Variants in KHDRBS2 observed in about 807,000 individuals in gnomAD.
KHDRBS2 encodes KH domain-containing, RNA-binding, signal transduction-associated protein 2.
Under a neutral mutation model 44.3 loss-of-function variants are expected in KHDRBS2, and 26 were observed. The observed-to-expected ratio is 0.59, with a 90% CI of 0.43 to 0.81. KHDRBS2 has a LOEUF of 0.81. Ranked by LOEUF, KHDRBS2 falls within the 40% of genes least tolerant of loss-of-function variation. The probability of loss-of-function intolerance (pLI) is 0.00; values close to 1 mark genes in which losing one functional copy is unlikely to be tolerated. For missense variants in KHDRBS2, 476 were observed against 433.1 expected, an observed-to-expected ratio of 1.10 and a Z score of -0.88; for synonymous variants, 194 against 151.1, an observed-to-expected ratio of 1.28 and a Z score of -2.08.
At chr6:62,175,271 G>C (rs2150121954) in intron 2 of KHDRBS2, among the ~76,000 whole-genome samples, 1 of 151,562 alleles carries the variant, frequency 6.6e-6, no homozygotes, top group African/African-American at 2.4e-5. Context: ...AGTTTGGCAG[G>C]CTATTCATAA....
At chr6:61,951,995 A>G (rs930416534) in intron 4 of KHDRBS2, among the ~76,000 whole-genome samples, 2 of 152,108 alleles carry the variant, frequency 1.3e-5, no homozygotes, top group African/African-American at 4.8e-5. Context: ...CAGAATTCTG[A>G]AATTATACTA....
intron 4 of KHDRBS2, among the ~76,000 whole-genome samples, chr6:61,918,231 C>T (rs1807385983): frequency 6.6e-6 from 1 of 151,884 alleles, no homozygotes; most frequent in South Asian, 2.1e-4. Context: ...TGACATTTTG[C>T]CAGCTGAGAC....
intron 6 of KHDRBS2, among the ~76,000 whole-genome samples, chr6:61,836,884 C>T (rs150296830): frequency 4.6e-5 from 7 of 151,976 alleles, no homozygotes; most frequent in East Asian, 1.9e-4. Flanking sequence ...AAGAGGCTTA[C>T]GATTCTATCA....
intron 1 of KHDRBS2, among the ~76,000 whole-genome samples, chr6:62,273,380 T>C (rs928496617): frequency 6.6e-6 from 1 of 152,210 alleles, no homozygotes; most frequent in African/African-American, 2.4e-5. Context: ...CTGTTCTTTG[T>C]TGCCAAATCC....
intron 2 of KHDRBS2, among the ~76,000 whole-genome samples, chr6:62,114,113 G>C (rs902032947): frequency 6.6e-6 from 1 of 152,000 alleles, no homozygotes; most frequent in African/African-American, 2.4e-5. Context: ...CAGCATGAGG[G>C]TCACTGCCCC....
chr6:61,955,463 TGTGTATATATAC>T (rs1161643005), intron 4 of KHDRBS2, among the ~76,000 whole-genome samples: 1,397 of 85,306 alleles, frequency 0.016, 267 homozygotes, highest in African/African-American at 0.037. Flanking sequence ...TATATACATA[TGTGTATATATAC>T]ACATATGTAT....
At chr6:61,659,137 T>A in the KHDRBS2 span, 1 of 151,858 alleles carries the variant, frequency 6.6e-6, no homozygotes, top group Admixed American at 6.6e-5. Flanking sequence ...ATCCAAATTA[T>A]CTTCTTTTTT....
intron 6 of KHDRBS2, chr6:61,816,553 A>C: frequency 2.4e-6 from 1 of 423,728 alleles, no homozygotes; most frequent in Non-Finnish European, 4.8e-6. Flanking sequence ...CTGCTGACAT[A>C]TTGGACTTCT....
the KHDRBS2 span, among the ~76,000 whole-genome samples, chr6:61,608,849 T>A: frequency 6.6e-6 from 1 of 152,172 alleles, no homozygotes; most frequent in Non-Finnish European, 1.5e-5. Flanking sequence ...TGATGAGCAT[T>A]TGGGTTGGTT....
chr6:62,169,108 CAT>C (rs1451947140), intron 2 of KHDRBS2, among the ~76,000 whole-genome samples: 8 of 129,986 alleles, frequency 6.2e-5, no homozygotes, highest in South Asian at 2.4e-4. Flanking sequence ...TATATATACA[CAT>C]ATATGTGTGT....
At chr6:62,147,709 A>C (rs550406605) in intron 2 of KHDRBS2, among the ~76,000 whole-genome samples, 1 of 152,140 alleles carries the variant, frequency 6.6e-6, no homozygotes, top group African/African-American at 2.4e-5. Flanking sequence ...AATGAATGTA[A>C]TCATTAAACC....
At chr6:61,837,354 C>G (rs1003441917) in intron 6 of KHDRBS2, among the ~76,000 whole-genome samples, 17 of 151,976 alleles carry the variant, frequency 1.1e-4, no homozygotes, top group African/African-American at 3.9e-4. Context: ...AACTTGGTCT[C>G]TGAAGACCAT....
chr6:62,113,175 C>T (rs1211315952), intron 2 of KHDRBS2, among the ~76,000 whole-genome samples: 1 of 152,022 alleles, frequency 6.6e-6, no homozygotes. Flanking sequence ...CCTAGAAGAA[C>T]CCTCCCATTA....
the KHDRBS2 span, among the ~76,000 whole-genome samples, chr6:61,545,099 A>T: frequency 6.6e-6 from 1 of 152,164 alleles, no homozygotes. Context: ...TTTTAAAAAA[A>T]TTTGAGTAGG....
intron 3 of KHDRBS2, among the ~76,000 whole-genome samples, chr6:62,011,900 A>C (rs1780363829): frequency 6.6e-6 from 1 of 152,228 alleles, no homozygotes; most frequent in African/African-American, 2.4e-5. Flanking sequence ...AGGTGTTAAA[A>C]CTGTTTTTTA....
Position 62,033,357 on chromosome 6 carries a change from G to A in KHDRBS2, c.336+14521C>T, listed in dbSNP as rs1351169034. Among the ~76,000 whole-genome samples the A allele has an allele frequency of 2.0e-5, 3 of 151,758 alleles. No individual in the cohort carries two copies. The East Asian group carries it at 5.8e-4, about 30-fold the overall frequency. ...GAAAGATATCAATACTAAAGTACAA[G>A]AAGTTTATATAACACCAAACAGATT... On this transcript the variant is annotated intron_variant, in intron 3 of 8. Coordinates refer to ENST00000281156, the MANE Select transcript of KHDRBS2 (RefSeq NM_152688.4).
rs1483026296 is a variant in KHDRBS2, at chr6:61,700,463, T to C, written c.894-3210A>G. 3.3e-5 allele frequency among the ~76,000 whole-genome samples: 5 copies of C among 150,146 alleles called. No homozygotes were observed. In the East Asian group the frequency reaches 9.8e-4, roughly 29 times the overall value. ...TAAAATAATGGAAGATAATGGAAAA[T>C]GATGTATAATAATCAAAATGGACTC... On this transcript the variant is annotated intron_variant, in intron 7 of 8. Coordinates refer to ENST00000281156, the MANE Select transcript of KHDRBS2 (RefSeq NM_152688.4).
intron 2 of KHDRBS2, among the ~76,000 whole-genome samples, chr6:62,176,576 T>C (rs1454550922): frequency 6.6e-6 from 1 of 151,262 alleles, no homozygotes; most frequent in Non-Finnish European, 1.5e-5. Context: ...TGTTTACCCA[T>C]TGAAATGTAT....
intron 3 of KHDRBS2, among the ~76,000 whole-genome samples, chr6:62,038,618 C>T (rs539444685): frequency 5.9e-5 from 9 of 152,120 alleles, no homozygotes; most frequent in Middle Eastern, 3.4e-3. Flanking sequence ...CTGCTGATGA[C>T]GCACTTGAGT....
Sources: gnomAD v4.1 joint callset for allele counts (sites outside exome capture counted in the v4.1 genomes callset) on GRCh38, gnomAD v4.1.1 for gene constraint, MANE v1.5 for transcripts, NCBI Gene and HGNC (gene_info 2026-07-23, HGNC 2026-07-21) for gene names.